Variants in KIF26A observed in about 807,000 individuals in gnomAD.
The protein encoded by KIF26A is kinesin family member 26A.
KIF26A carries 74 observed loss-of-function variants against 126.0 expected under a neutral mutation model. The observed-to-expected ratio is 0.59, with a 90% CI of 0.49 to 0.71. The LOEUF (loss-of-function observed/expected upper bound fraction) is 0.71. KIF26A is among the 30% of genes least tolerant of loss of function. The pLI is 0.00. For missense variants in KIF26A, 2,984 were observed against 2,763.3 expected, an observed-to-expected ratio of 1.08 and a Z score of -1.79; for synonymous variants, 1,445 against 1,232.7, an observed-to-expected ratio of 1.17 and a Z score of -3.61.
chr14:104,171,676 C>A, intron 5 of KIF26A, 47 bp from the exon 6 acceptor site: 9 of 1,490,668 alleles, frequency 6.0e-6, no homozygotes, highest in Non-Finnish European at 8.1e-6. Context: ...AATTAGTGGC[C>A]GGCTGGGCGG....
chr14:104,172,722 C>A, intron 7 of KIF26A, 54 bp downstream of exon 7: 1 of 1,367,506 alleles, frequency 7.3e-7, no homozygotes, highest in Non-Finnish European at 1.0e-6. Flanking sequence ...CCCTCCCATC[C>A]TCATCACGGT....
chr14:104,150,577 C>CAA (rs2037719930), intron 2 of KIF26A, among the ~76,000 whole-genome samples: 1 of 152,098 alleles, frequency 6.6e-6, no homozygotes, highest in Non-Finnish European at 1.5e-5. Context: ...CAGCCAAGGG[C>CAA]AGGCTCAAGG....
intron 4 of KIF26A, among the ~76,000 whole-genome samples, chr14:104,166,023 C>CT (rs1023105111): frequency 2.6e-5 from 4 of 152,114 alleles, no homozygotes; most frequent in African/African-American, 9.7e-5. Context: ...TGGGAGTTCC[C>CT]TGGGGGCACT....
At chr14:104,155,490 GT>G (rs35888632) in intron 3 of KIF26A, among the ~76,000 whole-genome samples, 81,641 of 151,750 alleles carry the variant, frequency 0.54, 22,954 homozygotes, top group Non-Finnish European at 0.62. Context: ...CTTTCCTTCC[GT>G]TTGCTGCTGT....
intron 5 of KIF26A, among the ~76,000 whole-genome samples, chr14:104,170,522 G>T (rs757015136): frequency 6.6e-6 from 1 of 152,222 alleles, no homozygotes; most frequent in Non-Finnish European, 1.5e-5. Context: ...AATTAAATCC[G>T]TGAAAAATAT....
At position 104,142,108 on chromosome 14, in the gene KIF26A, G is replaced by A. The variant is rs61997633; in HGVS notation, c.288+2820G>A. ...TTGTCTGGGCAGTGAGGGTGACCAT[G>A]GTCCCCTATCTGGGGACCTCATCCC... On this transcript the variant is annotated intron_variant, in intron 2 of 14. Coordinates refer to ENST00000423312, the MANE Select transcript of KIF26A (RefSeq NM_015656.2). Among the ~76,000 whole-genome samples the A allele has an allele frequency of 1.1e-3, 170 of 152,258 alleles. 1 individual carries two copies. The highest frequency in any genetic ancestry group is 1.8e-3 in the Non-Finnish European group (123 of 68,008).
rs1344740072 is a variant in KIF26A at position 104,175,091 on chromosome 14, G to A, written c.2303G>A (p.Arg768His). 1.1e-5 allele frequency: 17 copies of A among 1,599,416 alleles called. No homozygotes were observed. The highest frequency in any genetic ancestry group is 6.7e-5 in the African/African-American group (5 of 74,688). ...CGCACTGTGGCCCTGGACCCCGACC[G>A]CACGCCTCCCTGCCTGCCCGGTGAC... is the stretch of plus-strand genomic sequence containing the variant. ...HPRTVALDPD[R>H]TPPCLPGDPD... The change falls in exon 12 of 15, where the codon CGC becomes CAC. Residue 768 changes from arginine to histidine, a missense_variant. By Grantham distance (29) the Arg-to-His change is conservative (BLOSUM62 0). Coordinates refer to ENST00000423312, the MANE Select transcript of KIF26A (RefSeq NM_015656.2).
In KIF26A at chr14:104,176,704, C is replaced by G. The variant is rs981532770; in HGVS notation, c.3916C>G (p.Leu1306Val). 6.3e-7 allele frequency: 1 copy of G among 1,589,048 alleles called. No homozygotes were observed. The highest frequency in any genetic ancestry group is 8.6e-7 in the Non-Finnish European group (1 of 1,168,420). The change falls in exon 12 of 15, where the codon CTG (leucine) becomes GTG (valine). Residue 1306 changes from leucine to valine, a missense_variant. Coordinates refer to ENST00000423312, the MANE Select transcript of KIF26A (RefSeq NM_015656.2). Reference sequence around the variant, plus strand: ...AGAGGCTGTGGCTCGGATCCCACCGCTGCGGAGGGGTGCCACCACGCTGGG... The same window carrying G: ...AGAGGCTGTGGCTCGGATCCCACCGGTGCGGAGGGGTGCCACCACGCTGGG... ...RPEAVARIPP[L>V]RRGATTLGVT... is the part of the protein sequence containing the mutation.
At chr14:104,170,987 C>A (rs1001965341) in intron 5 of KIF26A, among the ~76,000 whole-genome samples, 1 of 152,246 alleles carries the variant, frequency 6.6e-6, no homozygotes, top group African/African-American at 2.4e-5. Context: ...CTCGGGAGGT[C>A]AGTCTGGAAG....
At chr14:104,156,905 T>C (rs1180853527) in intron 3 of KIF26A, among the ~76,000 whole-genome samples, 3 of 152,170 alleles carry the variant, frequency 2.0e-5, no homozygotes, top group Non-Finnish European at 4.4e-5. Context: ...CGAATGACGC[T>C]TGGCACCTGG....
rs57928850 is a variant in KIF26A, at chr14:104,173,318, C to T, written c.1684-12C>T. 20,057 of 1,605,248 alleles carry T rather than the reference C, an allele frequency of 0.012. 1,015 individuals are homozygous for T. In the African/African-American group the frequency reaches 0.15, roughly 12 times the overall value. ...GCCACTGAAGACGCCGCTGCCTCTG[C>T]CTTTCCTGCAGCTCCAGAACCAAAG... On this transcript the variant is annotated splice_polypyrimidine_tract_variant and intron_variant, in intron 8 of 14. Transcript: ENST00000423312.
intron 5 of KIF26A, 83 bp downstream of exon 5, chr14:104,167,131 G>T: frequency 2.2e-6 from 3 of 1,350,026 alleles, no homozygotes; most frequent in Non-Finnish European, 2.9e-6. Flanking sequence ...GGGAGTGGAG[G>T]GGCTGCCACT....
chr14:104,179,506 C>T lies in KIF26A; in HGVS notation c.5468-103C>T, dbSNP rs546956319. On this transcript the variant is annotated intron_variant, in intron 14 of 14. Coordinates refer to ENST00000423312, the MANE Select transcript of KIF26A (RefSeq NM_015656.2). ...TGGTGGGAAGGCTGGAAGGCAGGGTCGGCCGGGCCAAGATGCCTTTCCTGG... is the reference window on the plus strand; with the variant it reads ...TGGTGGGAAGGCTGGAAGGCAGGGTTGGCCGGGCCAAGATGCCTTTCCTGG... 227 of 1,425,752 alleles carry T rather than the reference C, an allele frequency of 1.6e-4. No homozygotes were observed. In the East Asian group the frequency reaches 2.1e-3, roughly 13 times the overall value. The allele number at this position is 1,425,752 out of a possible 1,614,324, so 88.3% of individuals were successfully genotyped here.
Position 104,164,677 on chromosome 14 carries a change from CGTGTGTATGTGTGTGCTCTGTGTGT to C in KIF26A, c.924-2179_924-2155del, listed in dbSNP as rs879284625. Reference sequence around the variant, plus strand: ...TGTACTCTGTGTGTGTGCCTGTCTGCGTGTGTATGTGTGTGCTCTGTGTGTGTATGTGTGTGAGTGTGTGTGCGTG... The same window carrying C: ...TGTACTCTGTGTGTGTGCCTGTCTGCGTATGTGTGTGAGTGTGTGTGCGTG... On this transcript the variant is annotated intron_variant, in intron 4 of 14. Transcript: ENST00000423312. 1.2e-3 allele frequency among the ~76,000 whole-genome samples: 177 copies of C among 151,768 alleles called. 1 individual carries two copies. The highest frequency in any genetic ancestry group is 2.8e-3 in the Admixed American group (42 of 15,242).
intron 4 of KIF26A, among the ~76,000 whole-genome samples, chr14:104,166,362 G>A (rs2497299): frequency 0.091 from 13,829 of 152,178 alleles, 716 homozygotes; most frequent in East Asian, 0.18. Context: ...AGTCCATTAG[G>A]GCCACACAGA....
At chr14:104,145,172 C>G (rs1284094513) in intron 2 of KIF26A, among the ~76,000 whole-genome samples, 1 of 152,268 alleles carries the variant, frequency 6.6e-6, no homozygotes, top group Admixed American at 6.5e-5. Context: ...CGCCTGTGAA[C>G]AGTCCTTGGG....
At chr14:104,168,183 G>A (rs867631170) in intron 5 of KIF26A, among the ~76,000 whole-genome samples, 1 of 152,190 alleles carries the variant, frequency 6.6e-6, no homozygotes, top group Non-Finnish European at 1.5e-5. Flanking sequence ...GTTAGAGCTC[G>A]GGAGGTGCCA....
At chr14:104,144,927 G>T (rs992734986) in intron 2 of KIF26A, among the ~76,000 whole-genome samples, 16 of 152,224 alleles carry the variant, frequency 1.1e-4, no homozygotes, top group Non-Finnish European at 1.5e-5. Flanking sequence ...CTGTTGGGGG[G>T]AGTGGCTGTC....
At position 104,148,386 on chromosome 14, in the gene KIF26A, C is replaced by T. The variant is rs569314131; in HGVS notation, c.289-3629C>T. On this transcript the variant is annotated intron_variant, in intron 2 of 14. Coordinates refer to ENST00000423312, the MANE Select transcript of KIF26A (RefSeq NM_015656.2). The surrounding 1 kb of genome is among the most constrained non-coding windows in gnomAD (Gnocchi z 4.3). ...AAAGAGAAAATTAAAAGTCATATTT[C>T]GCAGTGGAGTAATTACTGTCTTCCT... Among the ~76,000 whole-genome samples the T allele has an allele frequency of 8.5e-5, 13 of 152,290 alleles. No homozygotes were observed. Among genetic ancestry groups the T allele is most frequent in the Middle Eastern group, 3.4e-3 (1 of 294 alleles).
Sources: gnomAD v4.1 joint callset for allele counts (sites outside exome capture counted in the v4.1 genomes callset) on GRCh38, gnomAD v4.1.1 for gene constraint, Gnocchi (gnomAD v3.1) non-coding constraint, MANE v1.5 for transcripts, NCBI Gene and HGNC (gene_info 2026-07-23, HGNC 2026-07-21) for gene names.